Variants in SERPINB1 observed in about 807,000 individuals in gnomAD.
The protein encoded by SERPINB1 is leukocyte elastase inhibitor.
Under a neutral mutation model 25.9 loss-of-function variants are expected in SERPINB1, and 23 were observed. The observed-to-expected ratio is 0.89, with a 90% CI of 0.64 to 1.26. The LOEUF (loss-of-function observed/expected upper bound fraction) is 1.26. SERPINB1 is among the 50% of genes most tolerant of loss of function. The pLI, the probability that SERPINB1 is intolerant of heterozygous loss-of-function variation, is 0.00. For synonymous variants in SERPINB1, 178 were observed against 178.7 expected, an observed-to-expected ratio of 1.00 and a Z score of 0.03; for missense variants, 399 against 463.6, an observed-to-expected ratio of 0.86 and a Z score of 1.28.
In SERPINB1 at chr6:2,835,898, C is replaced by A. The variant is rs760065117; in HGVS notation, c.693G>T (p.Leu231=). The change falls in exon 6 of 7, where the codon CTG becomes CTT. Residue 231 remains leucine (L), a synonymous_variant. Transcript: ENST00000380739. Reference sequence around the variant, plus strand: ...ACTCGTCCTCAATGTCATCCGGCAGCAGGATGACCATGCTGAGCTCCTCGC... The same window carrying A: ...ACTCGTCCTCAATGTCATCCGGCAGAAGGATGACCATGCTGAGCTCCTCGC... ...YQGEELSMVI[L]LPDDIEDEST... is the part of the protein sequence containing the mutation. The A allele has an allele frequency of 6.2e-7, 1 of 1,614,188 alleles. No individual in the cohort carries two copies. Among genetic ancestry groups the A allele is most frequent in the South Asian group, 1.1e-5 (1 of 91,080 alleles).
Position 2,833,733 on chromosome 6 carries a change from C to T in SERPINB1, c.1015G>A (p.Gly339Ser). 6.2e-7 allele frequency: 1 copy of T among 1,614,180 alleles called. No individual in the cohort carries two copies. Among genetic ancestry groups the T allele is most frequent in the Non-Finnish European group, 8.5e-7 (1 of 1,180,030 alleles). Residue 339 changes from glycine (G) to serine (S), a missense_variant, in exon 7 of 7, where the codon GGC becomes AGC. Gly to Ser is a moderately conservative substitution (Grantham distance 56, BLOSUM62 0). Coordinates refer to ENST00000380739, the MANE Select transcript of SERPINB1 (RefSeq NM_030666.4). ...ATCAACATGCAGAAAGTTGCGATGCCTGCTGTGGCAGCTGCCGCCTCTGTT... is the reference window on the plus strand; with the variant it reads ...ATCAACATGCAGAAAGTTGCGATGCTTGCTGTGGCAGCTGCCGCCTCTGTT... ...EGTEAAAATA[G>S]IATFCMLMPE...
Position 2,833,548 on chromosome 6 carries a change from T to C in SERPINB1, c.*60A>G, listed in dbSNP as rs991260725. 5.5e-6 allele frequency: 8 copies of C among 1,448,616 alleles called. No homozygotes were observed. The Admixed American group carries it at 1.5e-4, about 28-fold the overall frequency. The allele number at this position is 1,448,616 out of a possible 1,614,324, so 89.7% of individuals were successfully genotyped here. On this transcript the variant is annotated 3_prime_UTR_variant, in exon 7 of 7. Transcript: ENST00000380739. ...AAAGATATAAGACATATTGGCTCTA[T>C]TAAAAACTCAGGTAATAAAGCACTA...
rs1766362090 is a variant in SERPINB1 at position 2,832,619 on chromosome 6, C to G, written c.*989G>C. 1 of 151,990 alleles carries G rather than the reference C, an allele frequency of 6.6e-6. No individual in the cohort carries two copies. The highest frequency in any genetic ancestry group is 6.6e-5 in the Admixed American group (1 of 15,256). 9.4% of individuals were successfully genotyped at this position (151,990 alleles called of 1,614,324 possible). ...GTCAGGAGTTCGGGACCAGCCTGGCCAACATGGAAAAACCCCATCTCTACT... is the reference window on the plus strand; with the variant it reads ...GTCAGGAGTTCGGGACCAGCCTGGCGAACATGGAAAAACCCCATCTCTACT... On this transcript the variant is annotated 3_prime_UTR_variant, in exon 7 of 7. Transcript: ENST00000380739.
intron 6 of SERPINB1, among the ~76,000 whole-genome samples, chr6:2,834,362 C>CCCAT (rs933369811): frequency 6.7e-5 from 10 of 150,070 alleles, no homozygotes; most frequent in African/African-American, 2.2e-4. Context: ...AACACAGCCA[C>CCCAT]CCATCCATCC....
intron 6 of SERPINB1, 88 bp downstream of exon 6, chr6:2,835,768 C>A: frequency 7.2e-7 from 1 of 1,389,492 alleles, no homozygotes; most frequent in Admixed American, 2.3e-5. Context: ...GGAAAATGCA[C>A]CATCAGTGAA....
Position 2,836,123 on chromosome 6 carries a change from T to C in SERPINB1, c.552A>G (p.Pro184=), listed in dbSNP as rs1766486214. ...KFMKEATTNA[P]FRLNKKDRKT... is the part of the protein sequence containing the mutation. ...CTCACCTCACCTTATTCAATCTGAA[T>C]GGTGCATTCGTCGTGGCTTCTTTCA... The change falls in exon 5 of 7, where the codon CCA becomes CCG. Residue 184 remains proline, a synonymous_variant. Transcript: ENST00000380739. 6.2e-7 allele frequency: 1 copy of C among 1,614,150 alleles called. No individual in the cohort carries two copies. The highest frequency in any genetic ancestry group is 1.7e-5 in the Admixed American group (1 of 60,006).
At chr6:2,839,179 C>G (rs1766578764) in intron 2 of SERPINB1, among the ~76,000 whole-genome samples, 1 of 152,058 alleles carries the variant, frequency 6.6e-6, no homozygotes, top group South Asian at 2.1e-4. Context: ...TTTAAAATAA[C>G]TTCCTTAAAC....
intron 6 of SERPINB1, among the ~76,000 whole-genome samples, chr6:2,834,619 C>T (rs1044045479): frequency 3.9e-5 from 6 of 152,222 alleles, no homozygotes; most frequent in African/African-American, 1.4e-4. Context: ...CAATGGATTA[C>T]AGTGATAGGT....
intron 6 of SERPINB1, among the ~76,000 whole-genome samples, chr6:2,834,347 C>T (rs923295008): frequency 6.6e-6 from 1 of 151,380 alleles, no homozygotes; most frequent in Non-Finnish European, 1.5e-5. Context: ...ACCCAGCTAC[C>T]CAGCAACACA....
chr6:2,835,850 C>T lies in SERPINB1; in HGVS notation c.735+6G>A, dbSNP rs752820715. ...AACCACAAAGCATGAAGCCCAGGAG[C>T]CATACCTTCTTCAGGCCCGTGGACT... On this transcript the variant is annotated splice_donor_region_variant and intron_variant, in intron 6 of 6. Coordinates refer to ENST00000380739, the MANE Select transcript of SERPINB1 (RefSeq NM_030666.4). 23 of 1,610,352 alleles carry T rather than the reference C, an allele frequency of 1.4e-5. No homozygotes were observed. In the East Asian group the frequency reaches 1.6e-4, roughly 11 times the overall value.
Position 2,833,880 on chromosome 6 carries a change from G to T in SERPINB1, c.868C>A (p.Arg290Ser), listed in dbSNP as rs115979952. The T allele has an allele frequency of 6.2e-7, 1 of 1,614,044 alleles. No homozygotes were observed. Among genetic ancestry groups the T allele is most frequent in the Admixed American group, 1.7e-5 (1 of 59,994 alleles). Residue 290 changes from arginine (R) to serine (S), a missense_variant, in exon 7 of 7, where the codon CGC becomes AGC. Arg to Ser is a moderately radical substitution (Grantham distance 110). Coordinates refer to ENST00000380739, the MANE Select transcript of SERPINB1 (RefSeq NM_030666.4). ...ESYTLNSDLARLGVQDLFNSS... is the reference protein window; with the variant it reads ...ESYTLNSDLASLGVQDLFNSS... Reference sequence around the variant, plus strand: ...TTAAAGAGATCCTGCACACCTAGGCGGGCGAGGTCGGAGTTGAGAGTGTAA... The same window carrying T: ...TTAAAGAGATCCTGCACACCTAGGCTGGCGAGGTCGGAGTTGAGAGTGTAA...
rs1438189169 is a variant in SERPINB1 at position 2,833,432 on chromosome 6, C to A, written c.*176G>T. On this transcript the variant is annotated 3_prime_UTR_variant, in exon 7 of 7. Coordinates refer to ENST00000380739, the MANE Select transcript of SERPINB1 (RefSeq NM_030666.4). ...TCAATGTAAAAAAGAAAAATAGATA[C>A]CCATGCCAAAATTCATGGGTGTAAA... 6 of 541,316 alleles carry A rather than the reference C, an allele frequency of 1.1e-5. No individual in the cohort carries two copies. In the African/African-American group the frequency reaches 1.2e-4, roughly 11 times the overall value. The allele number at this position is 541,316 out of a possible 1,614,324, so 33.5% of individuals were successfully genotyped here. A position where few individuals can be genotyped will look rare whatever the true frequency, so the allele number is the denominator to read the frequency against.
In SERPINB1 at chr6:2,835,897, G is replaced by T; in HGVS notation, c.694C>A (p.Leu232Met). ...GACTCGTCCTCAATGTCATCCGGCA[G>T]CAGGATGACCATGCTGAGCTCCTCG... is the stretch of plus-strand genomic sequence containing the variant. ...QGEELSMVIL[L>M]PDDIEDESTG... Residue 232 changes from leucine (L) to methionine (M), a missense_variant, in exon 6 of 7, where the codon CTG becomes ATG. Transcript: ENST00000380739. 1 of 1,614,168 alleles carries T rather than the reference G, an allele frequency of 6.2e-7. No homozygotes were observed. The highest frequency in any genetic ancestry group is 8.5e-7 in the Non-Finnish European group (1 of 1,180,032).
At chr6:2,839,572 T>G (rs1766587811) in intron 2 of SERPINB1, 2 of 794,808 alleles carry the variant, frequency 2.5e-6, no homozygotes, top group South Asian at 1.1e-4. Context: ...TAATAGAAGT[T>G]TCGCAGCCCC....
chr6:2,841,593 G>C lies in SERPINB1; in HGVS notation c.-9+219C>G, dbSNP rs867372173. 1 of 152,286 alleles carries C rather than the reference G, an allele frequency of 6.6e-6. No individual in the cohort carries two copies. The highest frequency in any genetic ancestry group is 6.5e-5 in the Admixed American group (1 of 15,280). The allele number at this position is 152,286 out of a possible 1,614,324, so 9.4% of individuals were successfully genotyped here. ...CCTCCCTCGCGGGCTGGCCCGGCCT[G>C]TACCCAGGCGGGGGCGGGGGATCAG... On this transcript the variant is annotated intron_variant, in intron 1 of 6. Coordinates refer to ENST00000380739, the MANE Select transcript of SERPINB1 (RefSeq NM_030666.4). This position sits in a 1 kb window ranked among gnomAD's most constrained non-coding sequence, Gnocchi z 4.5.
At chr6:2,834,099 A>G in intron 6 of SERPINB1, 87 bp from the exon 7 acceptor site, 1 of 1,221,612 alleles carries the variant, frequency 8.2e-7, no homozygotes, top group Non-Finnish European at 1.1e-6. Flanking sequence ...ATGGACCCAT[A>G]ATATCAGTTG....
chr6:2,838,912 A>G (rs936454982), intron 2 of SERPINB1, among the ~76,000 whole-genome samples: 1 of 152,238 alleles, frequency 6.6e-6, no homozygotes, highest in Non-Finnish European at 1.5e-5. Context: ...TTGCTTTTAC[A>G]TCACTCTTTG....
At position 2,833,917 on chromosome 6, in the gene SERPINB1, T is replaced by A. The variant is rs61761877; in HGVS notation, c.831A>T (p.Lys277Asn). 1.9e-6 allele frequency: 3 copies of A among 1,614,044 alleles called. No individual in the cohort carries two copies. The highest frequency in any genetic ancestry group is 2.5e-6 in the Non-Finnish European group (3 of 1,180,022). The change falls in exon 7 of 7, where the codon AAA becomes AAT. Residue 277 changes from lysine (K) to asparagine (N), a missense_variant. Lys to Asn is a moderately conservative substitution (Grantham distance 94, BLOSUM62 0). Coordinates refer to ENST00000380739, the MANE Select transcript of SERPINB1 (RefSeq NM_030666.4). ...IEVNVSLPRF[K>N]LEESYTLNSD... Reference sequence around the variant, plus strand: ...AGTTGAGAGTGTAACTCTCTTCCAGTTTGAACCTGGGCAAGCTGACATTAA... The same window carrying A: ...AGTTGAGAGTGTAACTCTCTTCCAGATTGAACCTGGGCAAGCTGACATTAA...
intron 1 of SERPINB1, among the ~76,000 whole-genome samples, chr6:2,840,994 G>A (rs1446251432): frequency 6.6e-6 from 1 of 152,174 alleles, no homozygotes; most frequent in African/African-American, 2.4e-5. Flanking sequence ...TTTGATTCAA[G>A]TCTCTGATTC....
Sources: allele counts gnomAD v4.1 joint callset (sites outside exome capture counted in the v4.1 genomes callset), GRCh38; gene constraint gnomAD v4.1.1; non-coding constraint Gnocchi (gnomAD v3.1); transcripts MANE v1.5; gene names NCBI Gene and HGNC (gene_info 2026-07-23, HGNC 2026-07-21).